Variants in SEM1 observed in about 807,000 individuals in gnomAD.
SEM1 encodes 26S proteasome complex subunit SEM1.
SEM1 carries 3 observed loss-of-function variants against 12.7 expected under a neutral mutation model. The observed-to-expected ratio is 0.24, with a 90% CI of 0.11 to 0.61. SEM1 has a LOEUF of 0.61. SEM1 is among the 20% of genes least tolerant of loss of function. The pLI is 0.88. For synonymous variants in SEM1, 30 were observed against 27.8 expected (o/e 1.08, Z -0.25); for missense variants, 59 against 81.3 (o/e 0.73, Z 1.06).
chr7:96,515,665 G>A (rs1366618311), intron 2 of SEM1, among the ~76,000 whole-genome samples: 1 of 152,134 alleles, frequency 6.6e-6, no homozygotes, highest in Non-Finnish European at 1.5e-5. Flanking sequence ...AGAAAATGTG[G>A]CACATATACA....
intron 2 of SEM1, among the ~76,000 whole-genome samples, chr7:96,644,573 GC>G (rs1584829118): frequency 6.6e-6 from 1 of 152,134 alleles, no homozygotes. Flanking sequence ...GTTCAGAACA[GC>G]CCGGGCTCTG....
chr7:96,681,541 C>A (rs1272204922), intron 2 of SEM1, among the ~76,000 whole-genome samples: 1 of 151,964 alleles, frequency 6.6e-6, no homozygotes, highest in South Asian at 2.1e-4. Flanking sequence ...GTCTTTAATC[C>A]ATCTTGAGTT....
chr7:96,584,090 T>C (rs1320895937), intron 2 of SEM1, among the ~76,000 whole-genome samples: 2 of 152,216 alleles, frequency 1.3e-5, no homozygotes, highest in Admixed American at 1.3e-4. Flanking sequence ...TGGCATGATT[T>C]TGCAGTGGCT....
intron 3 of SEM1, among the ~76,000 whole-genome samples, chr7:96,503,266 A>G (rs939299759): frequency 6.6e-6 from 1 of 152,080 alleles, no homozygotes; most frequent in Non-Finnish European, 1.5e-5. Context: ...TTTTATAGTT[A>G]TTATTATTCT....
intron 2 of SEM1, among the ~76,000 whole-genome samples, chr7:96,691,291 C>T (rs1161873547): frequency 6.6e-6 from 1 of 152,068 alleles, no homozygotes; most frequent in Admixed American, 6.6e-5. Context: ...GGGGGGCCTG[C>T]GACATGGACA....
intron 2 of SEM1, among the ~76,000 whole-genome samples, chr7:96,601,877 A>G (rs751755246): frequency 1.3e-5 from 2 of 152,120 alleles, no homozygotes; most frequent in Admixed American, 1.3e-4. Flanking sequence ...GTTATGAAAA[A>G]TTGTGGGAGT....
chr7:96,582,164 G>C (rs1408233523), intron 2 of SEM1, among the ~76,000 whole-genome samples: 1 of 151,540 alleles, frequency 6.6e-6, no homozygotes, highest in Non-Finnish European at 1.5e-5. Flanking sequence ...CTAATTTATT[G>C]AGAGTTTTTT....
intron 2 of SEM1, among the ~76,000 whole-genome samples, chr7:96,546,634 G>A (rs1805111898): frequency 6.6e-6 from 1 of 152,014 alleles, no homozygotes. Context: ...GCAATTTCAG[G>A]GCTCCATTAG....
At chr7:96,687,310 T>G (rs561845111), downstream of SEM1, among the ~76,000 whole-genome samples, 2 of 152,146 alleles carry the variant, frequency 1.3e-5, no homozygotes, top group African/African-American at 4.8e-5. Context: ...GACTATAAAT[T>G]ATGCTGCTAT....
intron 2 of SEM1, among the ~76,000 whole-genome samples, chr7:96,616,082 T>C (rs963293600): frequency 2.0e-5 from 3 of 152,218 alleles, no homozygotes; most frequent in Non-Finnish European, 4.4e-5. Context: ...TTGGATCGAA[T>C]GGTACTTCTA....
At chr7:96,582,115 A>C (rs1806430769) in intron 2 of SEM1, among the ~76,000 whole-genome samples, 1 of 150,552 alleles carries the variant, frequency 6.6e-6, no homozygotes, top group African/African-American at 2.4e-5. Context: ...GGTTTGTCAT[A>C]GATAGCTCTT....
chr7:96,679,961 C>A (rs773047577), intron 2 of SEM1, among the ~76,000 whole-genome samples: 1 of 152,100 alleles, frequency 6.6e-6, no homozygotes, highest in Non-Finnish European at 1.5e-5. Flanking sequence ...CAGCTGCCAG[C>A]GACTGTAATT....
intron 2 of SEM1, among the ~76,000 whole-genome samples, chr7:96,507,243 A>G (rs1803782216): frequency 6.6e-6 from 1 of 152,096 alleles, no homozygotes; most frequent in Admixed American, 6.6e-5. Context: ...ATGTGTGTGT[A>G]TGTATATATC....
chr7:96,694,872 T>C lies in SEM1; in HGVS notation c.96A>G (p.Glu32=), dbSNP rs142167991. 3.2e-5 allele frequency: 52 copies of C among 1,609,492 alleles called. No individual in the cohort carries two copies. The African/African-American group carries it at 3.6e-4, about 11-fold the overall frequency. The change falls in exon 2 of 3, where the codon GAA becomes GAG. Residue 32 remains glutamate (E), a synonymous_variant. Coordinates refer to ENST00000248566, the MANE Select transcript of SEM1 (RefSeq NM_006304.2). ...CCTCCCAGACATGTGCATCTTCATCTTCATCTAAGCCAGCCCAGTCTAAAA... is the reference window on the plus strand; with the variant it reads ...CCTCCCAGACATGTGCATCTTCATCCTCATCTAAGCCAGCCCAGTCTAAAA... ...FPAEDWAGLD[E]DEDAHVWEDN...
chr7:96,703,267 A>G (rs1790327916), intron 1 of SEM1, among the ~76,000 whole-genome samples: 1 of 152,204 alleles, frequency 6.6e-6, no homozygotes, highest in African/African-American at 2.4e-5. Flanking sequence ...GGGATGCTCA[A>G]CCTATAGTAA....
chr7:96,684,693 T>G (rs1270859856), downstream of SEM1, among the ~76,000 whole-genome samples: 1 of 152,050 alleles, frequency 6.6e-6, no homozygotes, highest in South Asian at 2.1e-4. Context: ...TGGGGAAGAC[T>G]GGAGGAAAGA....
chr7:96,488,919 GT>G (rs1802883496), intron 1 of SEM1, among the ~76,000 whole-genome samples: 1 of 152,082 alleles, frequency 6.6e-6, no homozygotes, highest in South Asian at 2.1e-4. Context: ...CCTCAATGAA[GT>G]TTTTCATCTC....
At chr7:96,663,462 G>C (rs1191691672) in intron 2 of SEM1, among the ~76,000 whole-genome samples, 2 of 152,134 alleles carry the variant, frequency 1.3e-5, no homozygotes, top group African/African-American at 4.8e-5. Context: ...CAGCAGTGTG[G>C]GGGAGAGTCT....
chr7:96,548,204 G>C (rs116775954), intron 2 of SEM1, among the ~76,000 whole-genome samples: 175 of 152,210 alleles, frequency 1.1e-3, no homozygotes, highest in African/African-American at 3.8e-3. Flanking sequence ...TTTCACAGGA[G>C]TTTCCATGAT....
Sources: allele counts gnomAD v4.1 joint callset (sites outside exome capture counted in the v4.1 genomes callset), GRCh38; gene constraint gnomAD v4.1.1; transcripts MANE v1.5; gene names NCBI Gene and HGNC (gene_info 2026-07-23, HGNC 2026-07-21).